VPS29: variants seen among roughly 807,000 people sequenced by gnomAD.
VPS29 encodes vacuolar protein sorting-associated protein 29.
Under a neutral mutation model 20.0 loss-of-function variants are expected in VPS29, and 2 were observed. That is an observed-to-expected ratio of 0.10 (90% CI 0.04 to 0.31). VPS29 has a LOEUF of 0.31. Among genes scored for constraint, VPS29 ranks in the 10% least tolerant of loss-of-function variants. The pLI is 1.00. For synonymous variants in VPS29, 81 were observed against 79.3 expected (o/e 1.02, Z -0.12); for missense variants, 120 against 215.3 (o/e 0.56, Z 2.77).
At position 110,491,962 on chromosome 12, in the gene VPS29, G is replaced by T; in HGVS notation, c.*43C>A. On this transcript the variant is annotated 3_prime_UTR_variant, in exon 4 of 4. Coordinates refer to ENST00000549578, the MANE Select transcript of VPS29 (RefSeq NM_016226.5). ...AATGTTTAATTACTTGATTTCAACAGGACAATGAAAAAAAACCAAAAATCA... is the reference window on the plus strand; with the variant it reads ...AATGTTTAATTACTTGATTTCAACATGACAATGAAAAAAAACCAAAAATCA... The T allele has an allele frequency of 7.1e-7, 1 of 1,402,780 alleles. No homozygotes were observed. The highest frequency in any genetic ancestry group is 1.0e-6 in the Non-Finnish European group (1 of 994,338). The allele number at this position is 1,402,780 out of a possible 1,614,324, so 86.9% of individuals were successfully genotyped here. A position where few individuals can be genotyped will look rare whatever the true frequency, so the allele number is the denominator to read the frequency against.
At chr12:110,501,045 G>A (rs1229754617) in intron 1 of VPS29, among the ~76,000 whole-genome samples, 1 of 152,100 alleles carries the variant, frequency 6.6e-6, no homozygotes, top group East Asian at 1.9e-4. Context: ...GACGGGCTTG[G>A]TGGCGGGCGC....
At chr12:110,500,833 C>G (rs2063009499) in intron 1 of VPS29, among the ~76,000 whole-genome samples, 1 of 151,694 alleles carries the variant, frequency 6.6e-6, no homozygotes, top group Non-Finnish European at 1.5e-5. Flanking sequence ...GAAGGGGACC[C>G]GAGTGGGTTG....
At chr12:110,492,871 TG>T in intron 3 of VPS29, 124 bp downstream of exon 3, 1 of 838,998 alleles carries the variant, frequency 1.2e-6, no homozygotes, top group Non-Finnish European at 1.8e-6. Flanking sequence ...CAACCTGCCC[TG>T]GTCTCCCGAA....
intron 2 of VPS29, among the ~76,000 whole-genome samples, chr12:110,493,558 C>T (rs1274526710): frequency 6.6e-6 from 1 of 152,062 alleles, no homozygotes; most frequent in African/African-American, 2.4e-5. Context: ...GACGGAGTCT[C>T]ACCATGTTGG....
In VPS29 at chr12:110,496,207, TA is replaced by T; in HGVS notation, c.4-5del. The T allele has an allele frequency of 6.3e-7, 1 of 1,597,482 alleles. No individual in the cohort carries two copies. The stretch of plus-strand genomic sequence containing the variant: ...GATCTCCTAATACCAACACCAACTT[TA>T]AAGTGTCAAGGTGAGATAAAGCATA... On this transcript the variant is annotated splice_region_variant and splice_polypyrimidine_tract_variant and intron_variant, in intron 1 of 3. Transcript: ENST00000549578.
chr12:110,494,107 A>C (rs1233944945), intron 2 of VPS29, among the ~76,000 whole-genome samples: 1 of 152,032 alleles, frequency 6.6e-6, no homozygotes, highest in African/African-American at 2.4e-5. Flanking sequence ...CCTCCATGCC[A>C]CCTTTAAATT....
rs2063082931 is a variant in VPS29 at position 110,502,073 on chromosome 12, G to A, written c.-22C>T. On this transcript the variant is annotated 5_prime_UTR_variant, in exon 1 of 4. Transcript: ENST00000549578. ...CCATCCTGTCACCGGGCTCCGCTCAGTCACCACCACCGTCGCCGCCCTCTT... is the reference window on the plus strand; with the variant it reads ...CCATCCTGTCACCGGGCTCCGCTCAATCACCACCACCGTCGCCGCCCTCTT... 6.2e-7 allele frequency: 1 copy of A among 1,610,474 alleles called. No individual in the cohort carries two copies. The highest frequency in any genetic ancestry group is 8.5e-7 in the Non-Finnish European group (1 of 1,179,130).
rs1232735533 is a variant in VPS29, at chr12:110,496,242, C to G, written c.4-39G>C. On this transcript the variant is annotated intron_variant, in intron 1 of 3. Transcript: ENST00000549578. The stretch of plus-strand genomic sequence containing the variant: ...AGGTGAGATAAAGCATAATGTTAAA[C>G]ACAATATCAAAACAAAATAGTCTCC... The G allele has an allele frequency of 2.0e-6, 3 of 1,516,072 alleles. No individual in the cohort carries two copies. In the African/African-American group the frequency reaches 4.1e-5, roughly 21 times the overall value. 93.9% of individuals were successfully genotyped at this position (1,516,072 alleles called of 1,614,324 possible).
chr12:110,495,394 C>T (rs923347953), intron 2 of VPS29, among the ~76,000 whole-genome samples: 6 of 152,074 alleles, frequency 3.9e-5, no homozygotes, highest in South Asian at 2.1e-4. Flanking sequence ...GAGGTAGCGG[C>T]GGTGAAAAGT....
intron 2 of VPS29, among the ~76,000 whole-genome samples, chr12:110,494,855 G>A (rs2062877389): frequency 6.6e-6 from 1 of 152,070 alleles, no homozygotes; most frequent in Admixed American, 6.6e-5. Context: ...AAGTAGCTGG[G>A]ACGACAGGCG....
Position 110,502,082 on chromosome 12 carries a change from A to T in VPS29, c.-31T>A. The T allele has an allele frequency of 4.4e-6, 7 of 1,606,340 alleles. No homozygotes were observed. The highest frequency in any genetic ancestry group is 5.9e-6 in the Non-Finnish European group (7 of 1,176,494). On this transcript the variant is annotated 5_prime_UTR_variant, in exon 1 of 4. Coordinates refer to ENST00000549578, the MANE Select transcript of VPS29 (RefSeq NM_016226.5). Reference sequence around the variant, plus strand: ...CACCGGGCTCCGCTCAGTCACCACCACCGTCGCCGCCCTCTTCCTCAGGCT... The same window carrying T: ...CACCGGGCTCCGCTCAGTCACCACCTCCGTCGCCGCCCTCTTCCTCAGGCT...
intron 2 of VPS29, among the ~76,000 whole-genome samples, chr12:110,495,395 G>A (rs1051337633): frequency 5.3e-5 from 8 of 152,264 alleles, no homozygotes; most frequent in Admixed American, 2.6e-4. Flanking sequence ...AGGTAGCGGC[G>A]GTGAAAAGTT....
At chr12:110,497,986 T>C (rs2062935959) in intron 1 of VPS29, among the ~76,000 whole-genome samples, 1 of 151,628 alleles carries the variant, frequency 6.6e-6, no homozygotes, top group East Asian at 1.9e-4. Flanking sequence ...TTTTTTTTTT[T>C]TTGAGATGGA....
chr12:110,494,004 C>T (rs1189674391), intron 2 of VPS29, among the ~76,000 whole-genome samples: 1 of 152,056 alleles, frequency 6.6e-6, no homozygotes, highest in African/African-American at 2.4e-5. Flanking sequence ...TTAATTAATA[C>T]AAACAATCCT....
At chr12:110,494,658 G>A (rs2062873979) in intron 2 of VPS29, among the ~76,000 whole-genome samples, 3 of 152,168 alleles carry the variant, frequency 2.0e-5, no homozygotes, top group African/African-American at 7.2e-5. Context: ...TATTTACTAA[G>A]GATCAGAAAG....
chr12:110,497,509 G>A (rs940482775), intron 1 of VPS29, among the ~76,000 whole-genome samples: 1 of 151,410 alleles, frequency 6.6e-6, no homozygotes, highest in African/African-American at 2.4e-5. Flanking sequence ...GAGTCACCAC[G>A]CCTGGCCTAA....
At chr12:110,501,268 A>T (rs1331150708) in intron 1 of VPS29, 1 of 999,016 alleles carries the variant, frequency 1.0e-6, no homozygotes, top group African/African-American at 1.6e-5. Context: ...GGGGCACCAA[A>T]CTACTGGGGG....
chr12:110,498,229 C>T lies in VPS29; in HGVS notation c.4-2026G>A, dbSNP rs1429363710. ...TCAGGTGACCCACCTGCCCTGGCCTCCCAAACTGCTAGGATTATAGGCGTG... is the reference window on the plus strand; with the variant it reads ...TCAGGTGACCCACCTGCCCTGGCCTTCCAAACTGCTAGGATTATAGGCGTG... On this transcript the variant is annotated intron_variant, in intron 1 of 3. Transcript: ENST00000549578. 2.0e-5 allele frequency among the ~76,000 whole-genome samples: 3 copies of T among 152,122 alleles called. No individual in the cohort carries two copies. In the East Asian group the frequency reaches 5.8e-4, roughly 29 times the overall value.
In VPS29 at chr12:110,502,106, C is replaced by A; in HGVS notation, c.-55G>T. The A allele has an allele frequency of 6.3e-7, 1 of 1,589,538 alleles. No individual in the cohort carries two copies. The highest frequency in any genetic ancestry group is 8.6e-7 in the Non-Finnish European group (1 of 1,164,138). On this transcript the variant is annotated 5_prime_UTR_variant, in exon 1 of 4. Coordinates refer to ENST00000549578, the MANE Select transcript of VPS29 (RefSeq NM_016226.5). ...CACCGTCGCCGCCCTCTTCCTCAGGCTCCTCGGCGACCCGCCCACTTAACC... is the reference window on the plus strand; with the variant it reads ...CACCGTCGCCGCCCTCTTCCTCAGGATCCTCGGCGACCCGCCCACTTAACC...
Sources: gnomAD v4.1 joint callset for allele counts (sites outside exome capture counted in the v4.1 genomes callset) on GRCh38, gnomAD v4.1.1 for gene constraint, MANE v1.5 for transcripts, NCBI Gene and HGNC (gene_info 2026-07-23, HGNC 2026-07-21) for gene names.